The following COL19A1 variants were observed in gnomAD, a reference collection of about 807,000 sequenced individuals.
COL19A1 encodes the protein collagen type XIX alpha 1 chain, also known as collagen alpha-1(XIX) chain.
A neutral mutation model predicts 190.2 loss-of-function variants in COL19A1; 159 were observed. The ratio of observed to expected loss-of-function variants is 0.84; its 90% CI spans 0.73 to 0.95. The LOEUF (loss-of-function observed/expected upper bound fraction) is 0.95. Among genes scored for constraint, COL19A1 ranks in the 40% least tolerant of loss-of-function variants. COL19A1 has a pLI of 0.00. For missense variants in COL19A1, 1,418 were observed against 1,431.9 expected, an observed-to-expected ratio of 0.99 and a Z score of 0.16; for synonymous variants, 509 against 458.9, an observed-to-expected ratio of 1.11 and a Z score of -1.39.
chr6:70,168,530 CTG>C lies in COL19A1; in HGVS notation c.2542-123_2542-122del, dbSNP rs1241385562. Reference sequence around the variant, plus strand: ...ATTCATCTTATTCTTCAAATTCAAACTGTAATTAAAGCAAAACTTGCTAATAT... The same window carrying C: ...ATTCATCTTATTCTTCAAATTCAAACTAATTAAAGCAAAACTTGCTAATAT... On this transcript the variant is annotated intron_variant, in intron 39 of 50. Coordinates refer to ENST00000620364, the MANE Select transcript of COL19A1 (RefSeq NM_001858.6). 4 of 787,806 alleles carry C rather than the reference CTG, an allele frequency of 5.1e-6. No homozygotes were observed. The East Asian group carries it at 1.1e-4, about 22-fold the overall frequency. The allele number at this position is 787,806 out of a possible 1,614,324, so 48.8% of individuals were successfully genotyped here.
chr6:70,179,529 C>T (rs1250563887), intron 42 of COL19A1, among the ~76,000 whole-genome samples: 1 of 152,174 alleles, frequency 6.6e-6, no homozygotes, highest in Non-Finnish European at 1.5e-5. Context: ...TGTTTCTTTT[C>T]CTGTCAACAA....
rs777679866 is a variant in COL19A1 at position 69,879,598 on chromosome 6, C to T, written c.31C>T (p.Leu11Phe). 6.2e-7 allele frequency: 1 copy of T among 1,614,000 alleles called. No individual in the cohort carries two copies. The highest frequency in any genetic ancestry group is 8.5e-7 in the Non-Finnish European group (1 of 1,179,976). The change falls in exon 2 of 51, where the codon CTT (leucine) becomes TTT (phenylalanine). Residue 11 changes from leucine to phenylalanine, a missense_variant. Coordinates refer to ENST00000620364, the MANE Select transcript of COL19A1 (RefSeq NM_001858.6). ...ACTCACTGGCCCTTGGAAACTTTGG[C>T]TTTGGATGTCAATATTTCTGCTTCC... MRLTGPWKLW[L>F]WMSIFLLPAS...
chr6:70,159,206 T>A (rs1459459446), intron 34 of COL19A1, among the ~76,000 whole-genome samples: 1 of 151,606 alleles, frequency 6.6e-6, no homozygotes, highest in Non-Finnish European at 1.5e-5. Context: ...ATAGAAAGAA[T>A]TTTATGGAAA....
chr6:70,071,815 G>A (rs982310994), intron 15 of COL19A1, among the ~76,000 whole-genome samples: 7 of 152,078 alleles, frequency 4.6e-5, no homozygotes, highest in Non-Finnish European at 8.8e-5. Flanking sequence ...AGGCCGTACA[G>A]AACCAAGAAG....
chr6:69,906,020 T>A (rs1770524419), intron 4 of COL19A1, among the ~76,000 whole-genome samples: 1 of 152,204 alleles, frequency 6.6e-6, no homozygotes, highest in East Asian at 1.9e-4. Flanking sequence ...AGATTATATT[T>A]TGATTATTTT....
intron 16 of COL19A1, among the ~76,000 whole-genome samples, chr6:70,111,088 A>G (rs1562183477): frequency 6.6e-6 from 1 of 152,186 alleles, no homozygotes; most frequent in South Asian, 2.1e-4. Context: ...AAATAATCTT[A>G]TAGTTTGCAT....
intron 4 of COL19A1, among the ~76,000 whole-genome samples, chr6:69,911,095 G>T (rs909843485): frequency 4.6e-5 from 7 of 152,158 alleles, no homozygotes; most frequent in Non-Finnish European, 1.0e-4. Flanking sequence ...TCACAAAATA[G>T]CATCAAATAG....
chr6:70,177,281 C>G (rs1360151453), intron 42 of COL19A1, among the ~76,000 whole-genome samples: 1 of 152,090 alleles, frequency 6.6e-6, no homozygotes, highest in East Asian at 1.9e-4. Flanking sequence ...GATAACATTA[C>G]AGGAAAGTCA....
chr6:70,071,020 C>A (rs1418617711), intron 15 of COL19A1, among the ~76,000 whole-genome samples: 2 of 151,972 alleles, frequency 1.3e-5, no homozygotes, highest in Non-Finnish European at 2.9e-5. Flanking sequence ...GTACTTTATT[C>A]CTAGACATAA....
chr6:70,101,821 T>C (rs973191650), intron 15 of COL19A1, among the ~76,000 whole-genome samples: 3 of 152,102 alleles, frequency 2.0e-5, no homozygotes, highest in Non-Finnish European at 4.4e-5. Context: ...AGATGACAGA[T>C]GTACTTGTTA....
intron 14 of COL19A1, among the ~76,000 whole-genome samples, chr6:70,038,392 T>A (rs1323116629): frequency 1.3e-5 from 2 of 152,236 alleles, no homozygotes; most frequent in East Asian, 3.8e-4. Flanking sequence ...AACCATTATT[T>A]ATGGGAACTA....
chr6:69,902,629 C>T (rs1397820037), intron 4 of COL19A1, among the ~76,000 whole-genome samples: 1 of 152,138 alleles, frequency 6.6e-6, no homozygotes, highest in Non-Finnish European at 1.5e-5. Flanking sequence ...AGTATCACAC[C>T]TTATCAGTTG....
intron 16 of COL19A1, among the ~76,000 whole-genome samples, chr6:70,104,273 A>G (rs918168639): frequency 6.6e-6 from 1 of 152,184 alleles, no homozygotes; most frequent in Non-Finnish European, 1.5e-5. Context: ...AAGAGGCTTA[A>G]TTGACTCACA....
At chr6:69,904,121 G>A (rs774283700) in intron 4 of COL19A1, among the ~76,000 whole-genome samples, 9 of 152,086 alleles carry the variant, frequency 5.9e-5, no homozygotes, top group Non-Finnish European at 1.0e-4. Context: ...AAAATCACTC[G>A]GGGGCACTGA....
chr6:70,137,600 G>C (rs1362069852), intron 18 of COL19A1, 85 bp from the exon 19 acceptor site: 1 of 1,246,144 alleles, frequency 8.0e-7, no homozygotes, highest in Non-Finnish European at 1.2e-6. Flanking sequence ...GTTAGCAGGA[G>C]AGCAAGCAAT....
chr6:70,190,202 T>C, intron 47 of COL19A1, 113 bp from the exon 48 acceptor site: 1 of 767,850 alleles, frequency 1.3e-6, no homozygotes, highest in South Asian at 1.7e-5. Flanking sequence ...AGCATTTTTC[T>C]TGATAAATGC....
chr6:69,916,434 T>A (rs1329125130), intron 4 of COL19A1, among the ~76,000 whole-genome samples: 1 of 152,240 alleles, frequency 6.6e-6, no homozygotes, highest in Admixed American at 6.5e-5. Flanking sequence ...ATTCCTGATT[T>A]TTTTTCATCT....
At chr6:70,044,148 C>T (rs1254437223) in intron 14 of COL19A1, among the ~76,000 whole-genome samples, 1 of 152,190 alleles carries the variant, frequency 6.6e-6, no homozygotes, top group African/African-American at 2.4e-5. Context: ...AGCTTCCTCA[C>T]CTCTCTCAGC....
At chr6:70,037,050 G>A (rs1303071661) in intron 14 of COL19A1, among the ~76,000 whole-genome samples, 3 of 152,156 alleles carry the variant, frequency 2.0e-5, no homozygotes, top group Non-Finnish European at 2.9e-5. Flanking sequence ...ATTTGCAGTG[G>A]AAGTTTATGC....
Sources: allele counts gnomAD v4.1 joint callset (sites outside exome capture counted in the v4.1 genomes callset), GRCh38; gene constraint gnomAD v4.1.1; transcripts MANE v1.5; gene names NCBI Gene and HGNC (gene_info 2026-07-23, HGNC 2026-07-21).